The following SYNPR variants were observed in gnomAD, a reference collection of about 807,000 sequenced individuals.
The protein encoded by SYNPR is synaptoporin.
Under a neutral mutation model 32.9 loss-of-function variants are expected in SYNPR, and 23 were observed. That is an observed-to-expected ratio of 0.70 (90% CI 0.50 to 0.99). SYNPR has a LOEUF of 0.99. SYNPR is among the 50% of genes least tolerant of loss of function. The pLI is 0.00. For missense variants in SYNPR, 318 were observed against 349.3 expected, an observed-to-expected ratio of 0.91 and a Z score of 0.71; for synonymous variants, 146 against 135.9, an observed-to-expected ratio of 1.07 and a Z score of -0.52.
chr3:63,206,310 A>G, the SYNPR span, among the ~76,000 whole-genome samples: 12 of 152,324 alleles, frequency 7.9e-5, no homozygotes, highest in African/African-American at 2.9e-4. Context: ...ACATATCCCA[A>G]TAGAAAAATC....
rs182459362 is a variant in SYNPR, at chr3:63,475,120, C to T, written c.85-5712C>T. On this transcript the variant is annotated intron_variant, in intron 2 of 5. Transcript: ENST00000478300. The stretch of plus-strand genomic sequence containing the variant: ...ATGGGTGATTTTGGTTTATGGATGA[C>T]TATTAAGCTAGAAAACACAGGACAA... Among the ~76,000 whole-genome samples the T allele has an allele frequency of 9.2e-5, 14 of 152,222 alleles. No individual in the cohort carries two copies. In the East Asian group the frequency reaches 2.5e-3, roughly 27 times the overall value.
At chr3:63,578,800 T>G (rs1703038013) in intron 4 of SYNPR, among the ~76,000 whole-genome samples, 1 of 152,150 alleles carries the variant, frequency 6.6e-6, no homozygotes, top group African/African-American at 2.4e-5. Context: ...CTTGCCTGCA[T>G]GGCAGAACTT....
intron 2 of SYNPR, among the ~76,000 whole-genome samples, chr3:63,259,003 C>A (rs1321115502): frequency 2.6e-5 from 4 of 152,120 alleles, no homozygotes; most frequent in Non-Finnish European, 5.9e-5. Context: ...GACACATACA[C>A]CCTCCCAAGA....
chr3:63,535,177 A>C (rs974137591), intron 3 of SYNPR, among the ~76,000 whole-genome samples: 12 of 152,310 alleles, frequency 7.9e-5, no homozygotes, highest in Admixed American at 3.9e-4. Flanking sequence ...ATACAATTAC[A>C]GATGTGGTTA....
the SYNPR span, among the ~76,000 whole-genome samples, chr3:63,220,020 A>G: frequency 1.1e-4 from 16 of 152,360 alleles, no homozygotes; most frequent in African/African-American, 3.8e-4. Flanking sequence ...AGTGGCCACA[A>G]TTGAAGCTCT....
intron 2 of SYNPR, among the ~76,000 whole-genome samples, chr3:63,298,272 T>G (rs944110925): frequency 1.7e-4 from 26 of 152,170 alleles, no homozygotes; most frequent in African/African-American, 6.3e-4. Context: ...ATCTCACTGT[T>G]GTAATTCTTG....
chr3:63,240,762 G>A (rs184215682), intron 1 of SYNPR, among the ~76,000 whole-genome samples: 1 of 152,230 alleles, frequency 6.6e-6, no homozygotes, highest in African/African-American at 2.4e-5. Context: ...GTGTGAGTGA[G>A]AATATCCCAT....
intron 2 of SYNPR, among the ~76,000 whole-genome samples, chr3:63,300,531 T>C (rs1183552848): frequency 6.6e-6 from 1 of 152,078 alleles, no homozygotes; most frequent in Non-Finnish European, 1.5e-5. Context: ...CATAGCCTTT[T>C]CTCCCTCCCA....
chr3:63,463,904 G>A (rs1024911441), intron 2 of SYNPR, among the ~76,000 whole-genome samples: 20 of 151,806 alleles, frequency 1.3e-4, no homozygotes, highest in Non-Finnish European at 2.9e-5. Context: ...CTATTTTTTT[G>A]TAATGTTGAT....
intron 2 of SYNPR, among the ~76,000 whole-genome samples, chr3:63,337,749 G>C (rs372859184): frequency 2.4e-4 from 37 of 152,292 alleles, no homozygotes; most frequent in African/African-American, 8.4e-4. Context: ...CTGAGTGAAA[G>C]AAGCCAACCT....
intron 2 of SYNPR, among the ~76,000 whole-genome samples, chr3:63,364,379 A>G (rs924652654): frequency 6.6e-6 from 1 of 152,212 alleles, no homozygotes; most frequent in Non-Finnish European, 1.5e-5. Flanking sequence ...TCACAGCCAA[A>G]TTGTAGGACA....
intron 3 of SYNPR, 24 bp from the exon 4 acceptor site, chr3:63,556,519 G>T: frequency 1.3e-6 from 2 of 1,582,114 alleles, no homozygotes; most frequent in Middle Eastern, 1.9e-4. Flanking sequence ...TTTAAAGAAT[G>T]TCTCCTTAAA....
chr3:63,572,948 C>A (rs913823858), intron 4 of SYNPR, among the ~76,000 whole-genome samples: 1 of 151,966 alleles, frequency 6.6e-6, no homozygotes, highest in African/African-American at 2.4e-5. Context: ...TTTTTTTCCT[C>A]CCTTAGTTTA....
At chr3:63,511,818 C>A (rs1476020530) in intron 3 of SYNPR, among the ~76,000 whole-genome samples, 1 of 152,040 alleles carries the variant, frequency 6.6e-6, no homozygotes, top group South Asian at 2.1e-4. Flanking sequence ...TTTAATTAGA[C>A]CTTGGAGCCC....
chr3:63,201,859 G>A, the SYNPR span, among the ~76,000 whole-genome samples: 1 of 151,896 alleles, frequency 6.6e-6, no homozygotes, highest in Admixed American at 6.6e-5. Context: ...TGAATTATAG[G>A]CTACTATTTT....
At chr3:63,462,708 C>T (rs1700608168) in intron 2 of SYNPR, among the ~76,000 whole-genome samples, 1 of 152,126 alleles carries the variant, frequency 6.6e-6, no homozygotes, top group African/African-American at 2.4e-5. Context: ...TGATGATATC[C>T]TCTTCATCTA....
At chr3:63,611,704 C>A (rs923076576) in intron 5 of SYNPR, among the ~76,000 whole-genome samples, 1 of 152,090 alleles carries the variant, frequency 6.6e-6, no homozygotes, top group Non-Finnish European at 1.5e-5. Flanking sequence ...TTCATCCACA[C>A]AGCAGAAGAT....
chr3:63,285,391 T>G (rs1054087408), intron 2 of SYNPR, among the ~76,000 whole-genome samples: 1 of 152,190 alleles, frequency 6.6e-6, no homozygotes, highest in South Asian at 2.1e-4. Context: ...AAAGTGTGCA[T>G]AAGTCAGAGA....
At chr3:63,578,206 T>C (rs1390436) in intron 4 of SYNPR, among the ~76,000 whole-genome samples, 83,018 of 151,994 alleles carry the variant, frequency 0.55, 23,414 homozygotes, top group African/African-American at 0.69. Context: ...CCAGCGTAGG[T>C]CCTGGACCTC....
Sources: allele counts gnomAD v4.1 joint callset (sites outside exome capture counted in the v4.1 genomes callset), GRCh38; gene constraint gnomAD v4.1.1; transcripts MANE v1.5; gene names NCBI Gene and HGNC (gene_info 2026-07-23, HGNC 2026-07-21).